HEMK2: variants seen among roughly 807,000 people sequenced by gnomAD.
The protein encoded by HEMK2 is methyltransferase HEMK2.
At chr21:28,884,405 T>C in the HEMK2 span, among the ~76,000 whole-genome samples, 1 of 152,226 alleles carries the variant, frequency 6.6e-6, no homozygotes. Flanking sequence ...ATATAGATCT[T>C]TGAAACCTGA....
At chr21:28,861,909 G>A in the HEMK2 span, among the ~76,000 whole-genome samples, 59 of 152,236 alleles carry the variant, frequency 3.9e-4, no homozygotes, top group African/African-American at 1.4e-3. Flanking sequence ...GCCACATTAC[G>A]TTGTGCTGGC....
the HEMK2 span, among the ~76,000 whole-genome samples, chr21:28,813,994 T>C: frequency 2.6e-5 from 4 of 152,060 alleles, no homozygotes; most frequent in African/African-American, 9.7e-5. Context: ...TCACAGCACT[T>C]TGGGCGGCTG....
chr21:28,783,784 C>T, the HEMK2 span, among the ~76,000 whole-genome samples: 2 of 152,100 alleles, frequency 1.3e-5, no homozygotes, highest in Non-Finnish European at 2.9e-5. Context: ...ATTGGGGCTG[C>T]ATGCAGCACT....
At chr21:28,854,565 C>A in the HEMK2 span, among the ~76,000 whole-genome samples, 3 of 152,044 alleles carry the variant, frequency 2.0e-5, no homozygotes, top group Admixed American at 6.6e-5. Context: ...AGTATTAACT[C>A]ACAATCATAA....
chr21:28,776,288 A>G, the HEMK2 span, among the ~76,000 whole-genome samples: 16 of 152,224 alleles, frequency 1.1e-4, no homozygotes, highest in Non-Finnish European at 1.5e-5. Context: ...AACCCAGCTG[A>G]AGTCAAGACA....
chr21:28,836,324 C>T, the HEMK2 span, among the ~76,000 whole-genome samples: 1 of 152,108 alleles, frequency 6.6e-6, no homozygotes. Flanking sequence ...GGGATTGGGG[C>T]CCTATCTTCA....
At chr21:28,645,599 G>A in the HEMK2 span, among the ~76,000 whole-genome samples, 1 of 151,834 alleles carries the variant, frequency 6.6e-6, no homozygotes, top group Non-Finnish European at 1.5e-5. Context: ...CCATTGTTAT[G>A]GTCTGAATGC....
At chr21:28,846,757 T>C in the HEMK2 span, among the ~76,000 whole-genome samples, 2 of 152,114 alleles carry the variant, frequency 1.3e-5, no homozygotes, top group African/African-American at 4.8e-5. Context: ...TAGTATCTGA[T>C]AGGTAATTTT....
chr21:28,621,128 G>T, the HEMK2 span, among the ~76,000 whole-genome samples: 1 of 151,854 alleles, frequency 6.6e-6, no homozygotes, highest in Non-Finnish European at 1.5e-5. Context: ...GTTTTCTCTT[G>T]CTTCTCTAGT....
the HEMK2 span, among the ~76,000 whole-genome samples, chr21:28,684,392 G>C: frequency 1.3e-5 from 2 of 152,168 alleles, no homozygotes; most frequent in African/African-American, 4.8e-5. Context: ...AGGCTAAACG[G>C]AAAAACAAAC....
At chr21:28,732,095 A>ATG in the HEMK2 span, among the ~76,000 whole-genome samples, 8 of 151,902 alleles carry the variant, frequency 5.3e-5, no homozygotes, top group East Asian at 3.9e-4. Context: ...TCTAGGACGC[A>ATG]GGCTAAATCA....
chr21:28,831,646 A>G, the HEMK2 span, among the ~76,000 whole-genome samples: 133 of 33,318 alleles, frequency 4.0e-3, 5 homozygotes, highest in East Asian at 9.4e-3. Flanking sequence ...AAAGAAAGAA[A>G]GAAAGAAAGA....
the HEMK2 span, among the ~76,000 whole-genome samples, chr21:28,810,518 C>A: frequency 6.6e-6 from 1 of 152,140 alleles, no homozygotes; most frequent in Non-Finnish European, 1.5e-5. Context: ...AGATCAGAGG[C>A]CCTCCTTTTC....
At chr21:28,618,536 G>C in the HEMK2 span, among the ~76,000 whole-genome samples, 1 of 152,192 alleles carries the variant, frequency 6.6e-6, no homozygotes, top group Non-Finnish European at 1.5e-5. Flanking sequence ...GCAAAGCTAA[G>C]TCCACTAGTA....
chr21:28,604,421 A>C, the HEMK2 span, among the ~76,000 whole-genome samples: 1 of 152,106 alleles, frequency 6.6e-6, no homozygotes, highest in Non-Finnish European at 1.5e-5. Flanking sequence ...ATAAAAAAAG[A>C]AAAGAGGACC....
chr21:28,634,199 T>C, the HEMK2 span, among the ~76,000 whole-genome samples: 1 of 152,196 alleles, frequency 6.6e-6, no homozygotes, highest in Non-Finnish European at 1.5e-5. Context: ...ACTTCCCAAA[T>C]ACATCACTTT....
At chr21:28,833,839 T>C in the HEMK2 span, among the ~76,000 whole-genome samples, 8 of 152,320 alleles carry the variant, frequency 5.3e-5, no homozygotes, top group South Asian at 1.4e-3. Context: ...AAAATGGGTA[T>C]AGCAACGATA....
At chr21:28,581,125 C>T in the HEMK2 span, among the ~76,000 whole-genome samples, 8 of 152,044 alleles carry the variant, frequency 5.3e-5, no homozygotes, top group African/African-American at 1.9e-4. Flanking sequence ...TCACTGTGCA[C>T]TGGTTACTAC....
the HEMK2 span, among the ~76,000 whole-genome samples, chr21:28,677,585 G>A: frequency 2.0e-5 from 3 of 152,296 alleles, no homozygotes; most frequent in Admixed American, 1.3e-4. Context: ...ATCTGAGAAC[G>A]GACAGACTGC....
Sources: gnomAD v4.1 joint callset for allele counts (sites outside exome capture counted in the v4.1 genomes callset) on GRCh38, gnomAD v4.1.1 for gene constraint, MANE v1.5 for transcripts, NCBI Gene and HGNC (gene_info 2026-07-23, HGNC 2026-07-21) for gene names.